The following ICE2 variants were observed in gnomAD, a reference collection of about 807,000 sequenced individuals.
ICE2 encodes interactor of little elongation complex ELL subunit 2.
ICE2 carries 87 observed loss-of-function variants against 105.4 expected under a neutral mutation model. The ratio of observed to expected loss-of-function variants is 0.83; its 90% CI spans 0.69 to 0.99. The LOEUF (loss-of-function observed/expected upper bound fraction) is 0.99. Among genes scored for constraint, ICE2 ranks in the 50% least tolerant of loss-of-function variants. ICE2 has a pLI of 0.00. For missense variants in ICE2, 1,323 were observed against 1,146.7 expected (o/e 1.15, Z -2.22); for synonymous variants, 399 against 392.0 (o/e 1.02, Z -0.21).
Position 60,479,083 on chromosome 15 carries a change from C to G in ICE2, c.-173G>C, listed in dbSNP as rs756485408. On this transcript the variant is annotated 5_prime_UTR_variant, in exon 1 of 16. Transcript: ENST00000261520. Reference sequence around the variant, plus strand: ...ACCCCACTCCTCACATTGTCGCGCGCGCCCAAAAAAGACCATATTTAAAGG... The same window carrying G: ...ACCCCACTCCTCACATTGTCGCGCGGGCCCAAAAAAGACCATATTTAAAGG... 2.2e-5 allele frequency: 10 copies of G among 449,080 alleles called. No homozygotes were observed. The highest frequency in any genetic ancestry group is 3.2e-5 in the Non-Finnish European group (7 of 222,172). 27.8% of individuals were successfully genotyped at this position (449,080 alleles called of 1,614,324 possible).
chr15:60,438,445 A>T (rs910967476), intron 12 of ICE2: 7 of 152,196 alleles, frequency 4.6e-5, no homozygotes, highest in Non-Finnish European at 2.9e-5. Context: ...AAGACACCAA[A>T]TTCATTTGTA....
Position 60,466,701 on chromosome 15 carries a change from GT to G in ICE2, c.420del (p.Lys140AsnfsTer3). ...AACTCAGTAACTTCTTCGTTCACAT[GT>G]TTTTTCATATCCTGATTTTTAAAAA... ...NDYLQYLDMKKHVNEEVTEFL... is the reference protein window; with the variant it reads ...NDYLQYLDMKXHVNEEVTEFL... On this transcript the variant is annotated frameshift_variant, in exon 5 of 16. Transcript: ENST00000261520. LOFTEE classifies it high-confidence loss of function. 6.2e-7 allele frequency: 1 copy of G among 1,602,438 alleles called. No homozygotes were observed. The highest frequency in any genetic ancestry group is 8.5e-7 in the Non-Finnish European group (1 of 1,176,742).
intron 3 of ICE2, among the ~76,000 whole-genome samples, chr15:60,475,862 T>C (rs773263409): frequency 1.3e-5 from 2 of 152,246 alleles, no homozygotes; most frequent in Middle Eastern, 3.4e-3. Context: ...CATAGTATTA[T>C]AAAATACTAT....
At position 60,449,395 on chromosome 15, in the gene ICE2, A is replaced by C; in HGVS notation, c.1572T>G (p.Thr524=). The part of the protein sequence containing the change: ...LQLENSQEIE[T]SNKNDMTIDI... ...CTATAGTCATATCATTTTTATTAGA[A>C]GTTTCAATTTCCTGAGAATTTTCTA... The change falls in exon 10 of 16, where the codon ACT becomes ACG. Residue 524 remains threonine, a synonymous_variant. Transcript: ENST00000261520. The C allele has an allele frequency of 2.5e-6, 4 of 1,613,094 alleles. No homozygotes were observed. The highest frequency in any genetic ancestry group is 1.7e-4 in the Middle Eastern group (1 of 6,054).
intron 3 of ICE2, among the ~76,000 whole-genome samples, chr15:60,471,624 T>C (rs1170263274): frequency 2.6e-5 from 4 of 152,238 alleles, no homozygotes; most frequent in African/African-American, 4.8e-5. Flanking sequence ...CATTTCCTTG[T>C]GCAGTGCTGT....
At chr15:60,461,992 T>C (rs748646589) in intron 5 of ICE2, among the ~76,000 whole-genome samples, 8 of 152,108 alleles carry the variant, frequency 5.3e-5, no homozygotes, top group Non-Finnish European at 1.0e-4. Flanking sequence ...GAAACACATA[T>C]ATATTTAACT....
intron 5 of ICE2, among the ~76,000 whole-genome samples, chr15:60,464,252 T>C (rs896852066): frequency 3.9e-5 from 6 of 152,206 alleles, no homozygotes; most frequent in African/African-American, 1.2e-4. Context: ...TAAAGTACAG[T>C]TTTATATTCA....
At chr15:60,425,699 A>C (rs2063326085) in intron 15 of ICE2, among the ~76,000 whole-genome samples, 1 of 152,202 alleles carries the variant, frequency 6.6e-6, no homozygotes, top group Non-Finnish European at 1.5e-5. Context: ...GAAACGTTTG[A>C]ACAAATTTTT....
Position 60,453,574 on chromosome 15 carries a change from C to T in ICE2, c.1125+29G>A. The stretch of plus-strand genomic sequence containing the variant: ...TCAAAAGGATAAACAAGTACATTCC[C>T]CTTAGGGGAAAAAAAAAGCATTACA... On this transcript the variant is annotated intron_variant, in intron 9 of 15. Coordinates refer to ENST00000261520, the MANE Select transcript of ICE2 (RefSeq NM_024611.6). The T allele has an allele frequency of 1.2e-6, 2 of 1,608,568 alleles. No homozygotes were observed. The highest frequency in any genetic ancestry group is 8.5e-7 in the Non-Finnish European group (1 of 1,178,318).
chr15:60,459,199 G>A (rs1202842730), intron 5 of ICE2, among the ~76,000 whole-genome samples: 1 of 152,132 alleles, frequency 6.6e-6, no homozygotes, highest in Non-Finnish European at 1.5e-5. Flanking sequence ...TAAATCCATA[G>A]ACACAATAAA....
At position 60,427,993 on chromosome 15, in the gene ICE2, C is replaced by CT. The variant is rs1027164342; in HGVS notation, c.2820+435dup. On this transcript the variant is annotated intron_variant, in intron 15 of 15. Coordinates refer to ENST00000261520, the MANE Select transcript of ICE2 (RefSeq NM_024611.6). Reference sequence around the variant, plus strand: ...CTCTGTTCACAAACTGCTATTACTTCTTTTTCCTCATCCTAATTAACAATG... The same window carrying CT: ...CTCTGTTCACAAACTGCTATTACTTCTTTTTTCCTCATCCTAATTAACAATG... Among the ~76,000 whole-genome samples, 10 of 152,278 alleles carry CT rather than the reference C, an allele frequency of 6.6e-5. No individual in the cohort carries two copies. In the East Asian group the frequency reaches 1.9e-3, roughly 29 times the overall value.
At chr15:60,471,358 G>T (rs1175765036) in intron 3 of ICE2, among the ~76,000 whole-genome samples, 1 of 152,158 alleles carries the variant, frequency 6.6e-6, no homozygotes, top group Non-Finnish European at 1.5e-5. Context: ...ACAGCAAATT[G>T]ACTTCTCACT....
rs777295692 is a variant in ICE2 at position 60,466,699 on chromosome 15, A to G, written c.423T>C (p.His141=). 4 of 1,603,086 alleles carry G rather than the reference A, an allele frequency of 2.5e-6. No homozygotes were observed. The highest frequency in any genetic ancestry group is 1.3e-5 in the African/African-American group (1 of 74,568). The change falls in exon 5 of 16, where the codon CAT becomes CAC. Residue 141 remains histidine, a synonymous_variant. Transcript: ENST00000261520. ...DYLQYLDMKK[H]VNEEVTEFLK... ...GGAACTCAGTAACTTCTTCGTTCAC[A>G]TGTTTTTTCATATCCTGATTTTTAA...
chr15:60,465,531 A>C (rs901875578), intron 5 of ICE2, among the ~76,000 whole-genome samples: 1 of 152,164 alleles, frequency 6.6e-6, no homozygotes, highest in African/African-American at 2.4e-5. Context: ...CTGTCCTTCA[A>C]CTTAGACTGG....
chr15:60,467,939 TCTC>T, intron 4 of ICE2, 119 bp downstream of exon 4: 1 of 876,078 alleles, frequency 1.1e-6, no homozygotes, highest in Non-Finnish European at 1.6e-6. Context: ...GCTCTCTCAA[TCTC>T]CTTACGTTTT....
chr15:60,474,083 G>A (rs1258794014), intron 3 of ICE2, among the ~76,000 whole-genome samples: 1 of 151,958 alleles, frequency 6.6e-6, no homozygotes, highest in Non-Finnish European at 1.5e-5. Context: ...TATTTTTGGA[G>A]AGACGGGGTC....
At chr15:60,431,037 A>G (rs1384173060) in intron 14 of ICE2, among the ~76,000 whole-genome samples, 2 of 152,074 alleles carry the variant, frequency 1.3e-5, no homozygotes, top group African/African-American at 4.8e-5. Flanking sequence ...AAACCCAGCT[A>G]ATTTTTTTGT....
At chr15:60,457,023 T>G (rs2064145646) in intron 5 of ICE2, among the ~76,000 whole-genome samples, 1 of 152,118 alleles carries the variant, frequency 6.6e-6, no homozygotes, top group South Asian at 2.1e-4. Flanking sequence ...AAATTTAAAA[T>G]TAGAGAAGAC....
chr15:60,465,146 T>C (rs1341184309), intron 5 of ICE2, among the ~76,000 whole-genome samples: 1 of 152,174 alleles, frequency 6.6e-6, no homozygotes, highest in Non-Finnish European at 1.5e-5. Context: ...GAAGAACCAT[T>C]CTTCTGGTTC....
Sources: gnomAD v4.1 joint callset for allele counts (sites outside exome capture counted in the v4.1 genomes callset) on GRCh38, gnomAD v4.1.1 for gene constraint, MANE v1.5 for transcripts, NCBI Gene and HGNC (gene_info 2026-07-23, HGNC 2026-07-21) for gene names.